KIF18B: variants seen among roughly 807,000 people sequenced by gnomAD.
The protein encoded by KIF18B is kinesin-like protein KIF18B.
In KIF18B, 49 loss-of-function variants were observed where a neutral mutation model predicts 80.9. The observed-to-expected ratio is 0.61, with a 90% CI of 0.48 to 0.77. The LOEUF (loss-of-function observed/expected upper bound fraction) is 0.77, where lower values mean the gene tolerates loss of function less well. KIF18B is among the 30% of genes least tolerant of loss of function. KIF18B has a pLI of 0.00. For missense variants in KIF18B, 994 were observed against 1,127.7 expected, an observed-to-expected ratio of 0.88 and a Z score of 1.70; for synonymous variants, 439 against 463.9, an observed-to-expected ratio of 0.95 and a Z score of 0.69.
chr17:44,930,949 C>T (rs927225870), intron 11 of KIF18B, among the ~76,000 whole-genome samples: 3 of 152,148 alleles, frequency 2.0e-5, no homozygotes, highest in African/African-American at 7.2e-5. Flanking sequence ...ATTAAACAGG[C>T]CCTTCTGTCC....
intron 12 of KIF18B, 50 bp downstream of exon 12, chr17:44,928,769 T>C: frequency 1.3e-6 from 2 of 1,580,626 alleles, no homozygotes; most frequent in African/African-American, 1.3e-5. Context: ...CAGTGGGGCC[T>C]TGAAGACAGC....
intron 1 of KIF18B, among the ~76,000 whole-genome samples, chr17:44,943,108 T>TA (rs369037024): frequency 4.7e-5 from 7 of 148,666 alleles, no homozygotes; most frequent in Non-Finnish European, 1.0e-4. Context: ...GTTTTTTTTG[T>TA]TTTTTTTTTG....
chr17:44,929,679 A>G (rs1158934789), intron 11 of KIF18B, among the ~76,000 whole-genome samples: 1 of 152,254 alleles, frequency 6.6e-6, no homozygotes, highest in Non-Finnish European at 1.5e-5. Context: ...TTCCTGTAAA[A>G]TGGAAATAAT....
chr17:44,936,140 T>G lies in KIF18B; in HGVS notation c.205A>C (p.Thr69Pro). 1 of 1,613,710 alleles carries G rather than the reference T, an allele frequency of 6.2e-7. No individual in the cohort carries two copies. Among genetic ancestry groups the G allele is most frequent in the East Asian group, 2.2e-5 (1 of 44,880 alleles). ...DGPKKKGKDLTFVFDRVFGEA... is the reference protein window; with the variant it reads ...DGPKKKGKDLPFVFDRVFGEA... ...CCAAAGACCCGGTCAAAGACAAACG[T>G]CAGGTCTTTGCCCTTCTTCTTGGGG... Residue 69 changes from threonine to proline, a missense_variant, in exon 2 of 16, where the codon ACG (threonine) becomes CCG (proline). By Grantham distance (38) the Thr-to-Pro change is conservative. Coordinates refer to ENST00000593135, the MANE Select transcript of KIF18B (RefSeq NM_001265577.2).
In KIF18B at chr17:44,936,155, T is replaced by A; in HGVS notation, c.190A>T (p.Lys64Ter). The A allele has an allele frequency of 6.2e-7, 1 of 1,613,554 alleles. No individual in the cohort carries two copies. Among genetic ancestry groups the A allele is most frequent in the Non-Finnish European group, 8.5e-7 (1 of 1,179,776 alleles). ...WGGTHDGPKK[K>*]GKDLTFVFDR... ...AAGACAAACGTCAGGTCTTTGCCCT[T>A]CTTCTTGGGGCCATCATGGGTGCCA... The change falls in exon 2 of 16, where the codon AAG becomes TAG. Residue 64 changes from lysine (K) to a stop codon, truncating the protein, a stop_gained. Transcript: ENST00000593135. LOFTEE classifies it high-confidence loss of function.
rs1567792868 is a variant in KIF18B, at chr17:44,934,450, G to A, written c.688-20C>T. The A allele has an allele frequency of 6.2e-7, 1 of 1,604,228 alleles. No homozygotes were observed. On this transcript the variant is annotated intron_variant, in intron 5 of 15. Coordinates refer to ENST00000593135, the MANE Select transcript of KIF18B (RefSeq NM_001265577.2). This position sits in a 1 kb window ranked among gnomAD's most constrained non-coding sequence, Gnocchi z 5.4. ...AAAGATCTGAAGGCAGATGGCAGGG[G>A]TGAGGGGGAGATGGGCATCAGGGGC...
At chr17:44,928,677 T>C in intron 12 of KIF18B, 99 bp from the exon 13 acceptor site, 1 of 1,385,394 alleles carries the variant, frequency 7.2e-7, no homozygotes, top group South Asian at 1.5e-5. Context: ...CCTCTCTGTG[T>C]GCAGAAGTCT....
At position 44,935,277 on chromosome 17, in the gene KIF18B, C is replaced by G. The variant is rs117875850; in HGVS notation, c.453G>C (p.Val151=). Residue 151 remains valine, a synonymous_variant, in exon 3 of 16, where the codon GTG becomes GTC. Coordinates refer to ENST00000593135, the MANE Select transcript of KIF18B (RefSeq NM_001265577.2). ...EARQQEKHFE[V]LISYQEVYNE... ...AGCCGACCTCCTGGTAGCTGATGAG[C>G]ACCTCGAAGTGCTTCTCCTGCTGGC... The G allele has an allele frequency of 1.0e-3, 1,650 of 1,608,088 alleles. 1 individual carries two copies. The highest frequency in any genetic ancestry group is 1.3e-3 in the Non-Finnish European group (1,528 of 1,176,428).
At position 44,932,967 on chromosome 17, in the gene KIF18B, C is replaced by A. The variant is rs1383325001; in HGVS notation, c.1082G>T (p.Ser361Ile). The A allele has an allele frequency of 7.5e-6, 12 of 1,605,786 alleles. No homozygotes were observed. The highest frequency in any genetic ancestry group is 1.0e-5 in the Non-Finnish European group (12 of 1,173,110). Residue 361 changes from serine to isoleucine, a missense_variant, in exon 8 of 16, where the codon AGC becomes ATC. Physicochemically the swap from Ser to Ile is moderately radical, Grantham distance 142. Transcript: ENST00000593135. ...ATACTGGCTGATGTGACAGTCCAGG[C>A]TGGTCACATTGCTCTTCAGCTGAGA... Reference protein sequence around the residue: ...IRLSLKSNVTSLDCHISQYAT... With the variant: ...IRLSLKSNVTILDCHISQYAT...
Position 44,932,951 on chromosome 17 carries a change from G to A in KIF18B, c.1098C>T (p.Ile366=). ...KSNVTSLDCH[I]SQYATICQQL... is the part of the protein sequence containing the mutation. ...GTTGGCAGATGGTAGCATACTGGCTGATGTGACAGTCCAGGCTGGTCACAT... is the reference window on the plus strand; with the variant it reads ...GTTGGCAGATGGTAGCATACTGGCTAATGTGACAGTCCAGGCTGGTCACAT... The change falls in exon 8 of 16, where the codon ATC becomes ATT. Residue 366 remains isoleucine, a synonymous_variant. Coordinates refer to ENST00000593135, the MANE Select transcript of KIF18B (RefSeq NM_001265577.2). 6 of 1,607,568 alleles carry A rather than the reference G, an allele frequency of 3.7e-6. No homozygotes were observed. The highest frequency in any genetic ancestry group is 5.1e-6 in the Non-Finnish European group (6 of 1,174,626).
At position 44,934,606 on chromosome 17, in the gene KIF18B, G is replaced by A. The variant is rs367895996; in HGVS notation, c.588C>T (p.Ala196=). The change falls in exon 5 of 16, where the codon GCC becomes GCT. Residue 196 remains alanine (A), a synonymous_variant. Transcript: ENST00000593135. The surrounding 1 kb of genome is among the most constrained non-coding windows in gnomAD (Gnocchi z 5.4). The part of the protein sequence containing the change: ...QGLSFHQPAS[A]EQLLEILTRG... ...TGGTCAGTATCTCCAGCAGCTGCTC[G>A]GCTGAGGCTGGCTACAGAGGAGAAG... 2.5e-5 allele frequency: 40 copies of A among 1,604,434 alleles called. No homozygotes were observed. The highest frequency in any genetic ancestry group is 1.9e-4 in the African/African-American group (14 of 74,796).
intron 10 of KIF18B, 27 bp downstream of exon 10, chr17:44,932,029 C>A: frequency 6.3e-7 from 1 of 1,589,882 alleles, no homozygotes; most frequent in Non-Finnish European, 8.6e-7. Context: ...CCTCCCGATA[C>A]CCAGGCCTCA....
At chr17:44,945,637 G>A (rs1417881130) in intron 1 of KIF18B, among the ~76,000 whole-genome samples, 1 of 150,758 alleles carries the variant, frequency 6.6e-6, no homozygotes, top group Non-Finnish European at 1.5e-5. Context: ...GGGCATGGTG[G>A]CTCACGCCTG....
Position 44,928,598 on chromosome 17 carries a change from G to A in KIF18B, c.1724-20C>T. On this transcript the variant is annotated intron_variant, in intron 12 of 15. Transcript: ENST00000593135. ...CAGGGACTGCACAGAAGGAAGGAGA[G>A]TTTGTAGAACTTGGGGAGCCAGACA... is the stretch of plus-strand genomic sequence containing the variant. 1 of 1,445,622 alleles carries A rather than the reference G, an allele frequency of 6.9e-7. No homozygotes were observed. Among genetic ancestry groups the A allele is most frequent in the Non-Finnish European group, 9.0e-7 (1 of 1,106,174 alleles). 89.5% of individuals were successfully genotyped at this position (1,445,622 alleles called of 1,614,324 possible). A position where few individuals can be genotyped will look rare whatever the true frequency, so the allele number is the denominator to read the frequency against.
At chr17:44,936,642 T>A (rs1320148594) in intron 1 of KIF18B, among the ~76,000 whole-genome samples, 260 of 82,048 alleles carry the variant, frequency 3.2e-3, no homozygotes, top group African/African-American at 0.014. Context: ...TTTTTTTTTT[T>A]TTTTTTTTTT....
At chr17:44,945,040 C>T (rs1249695422) in intron 1 of KIF18B, among the ~76,000 whole-genome samples, 1 of 152,246 alleles carries the variant, frequency 6.6e-6, no homozygotes, top group Non-Finnish European at 1.5e-5. Flanking sequence ...TATGATAAAA[C>T]TCTATTTCAT....
At chr17:44,936,625 T>TATATA (rs1491447262) in intron 1 of KIF18B, among the ~76,000 whole-genome samples, 10 of 15,652 alleles carry the variant, frequency 6.4e-4, no homozygotes, top group Admixed American at 1.2e-3. Flanking sequence ...TATATATATA[T>TATATA]TTTTTTTTTT....
In KIF18B at chr17:44,934,352, C is replaced by T; in HGVS notation, c.766G>A (p.Ala256Thr). Residue 256 changes from alanine (A) to threonine (T), a missense_variant, in exon 6 of 16, where the codon GCT (alanine) becomes ACT (threonine). Ala to Thr is a moderately conservative substitution (Grantham distance 58). Coordinates refer to ENST00000593135, the MANE Select transcript of KIF18B (RefSeq NM_001265577.2). This position sits in a 1 kb window ranked among gnomAD's most constrained non-coding sequence, Gnocchi z 5.4. ...QVAKMSLIDL[A>T]GSERASSTHA... ...GTGCTGGATGCCCGCTCTGAGCCAG[C>T]CAGGTCAATCAGGCTCATCTTGGCC... 3 of 1,607,496 alleles carry T rather than the reference C, an allele frequency of 1.9e-6. No individual in the cohort carries two copies. The highest frequency in any genetic ancestry group is 8.5e-7 in the Non-Finnish European group (1 of 1,176,860).
chr17:44,926,999 GCTT>G lies in KIF18B; in HGVS notation c.2353_2355del (p.Lys785del), dbSNP rs776575032. 6.0e-5 allele frequency: 96 copies of G among 1,610,646 alleles called. No homozygotes were observed. Among genetic ancestry groups the G allele is most frequent in the East Asian group, 4.2e-4 (19 of 44,822 alleles). On this transcript the variant is annotated inframe_deletion, in exon 14 of 16. Transcript: ENST00000593135. ...CCTCCCAAACCTCACCTCGCAACGC[GCTT>G]CTTCTTGCAGGCAGAGGTCCCAGGG... is the stretch of plus-strand genomic sequence containing the variant.
Sources: allele counts gnomAD v4.1 joint callset (sites outside exome capture counted in the v4.1 genomes callset), GRCh38; gene constraint gnomAD v4.1.1; non-coding constraint Gnocchi (gnomAD v3.1); transcripts MANE v1.5; gene names NCBI Gene and HGNC (gene_info 2026-07-23, HGNC 2026-07-21).